ZNF445: variants seen among roughly 807,000 people sequenced by gnomAD.
ZNF445 encodes the protein zinc finger protein 445, also known as zinc finger protein 168.
ZNF445 carries 19 observed loss-of-function variants against 93.9 expected under a neutral mutation model. The ratio of observed to expected loss-of-function variants is 0.20; its 90% CI spans 0.14 to 0.30. The LOEUF is 0.30. Ranked by LOEUF, ZNF445 falls within the 10% of genes least tolerant of loss-of-function variation. ZNF445 has a pLI of 1.00. For missense variants in ZNF445, 1,058 were observed against 1,259.4 expected (o/e 0.84, Z 2.42); for synonymous variants, 449 against 446.3 (o/e 1.01, Z -0.08).
In ZNF445 at chr3:44,455,563, G is replaced by C; in HGVS notation, c.-14C>G. 1 of 1,571,432 alleles carries C rather than the reference G, an allele frequency of 6.4e-7. No individual in the cohort carries two copies. Among genetic ancestry groups the C allele is most frequent in the African/African-American group, 1.4e-5 (1 of 73,820 alleles). On this transcript the variant is annotated 5_prime_UTR_variant, in exon 3 of 8. Transcript: ENST00000396077. ...GCCTGGAGGCATCACTCCTGTTCAG[G>C]GACTAACCAGAAGAGTGCGAACCAA...
intron 3 of ZNF445, among the ~76,000 whole-genome samples, chr3:44,453,430 G>C (rs1697983704): frequency 6.6e-6 from 1 of 151,786 alleles, no homozygotes; most frequent in Admixed American, 6.6e-5. Context: ...GAGTAGCTGG[G>C]TCTACAGGTG....
At chr3:44,476,634 C>T (rs939624731) in intron 1 of ZNF445, among the ~76,000 whole-genome samples, 3 of 152,196 alleles carry the variant, frequency 2.0e-5, no homozygotes, top group Non-Finnish European at 4.4e-5. Flanking sequence ...AACATTCTTT[C>T]CTGGCCACCA....
chr3:44,448,146 G>A lies in ZNF445; in HGVS notation c.1525C>T (p.Gln509Ter). Reference protein sequence around the residue: ...HLAYHQRLHTQEKAFKCRVCG... With the variant: ...HLAYHQRLHT ...ACCCTACATTTAAATGCTTTCTCTT[G>A]AGTGTGAAGTCTCTGATGATACGCA... Residue 509 changes from glutamine (Q) to a stop codon, truncating the protein, a stop_gained, in exon 8 of 8, where the codon CAA becomes TAA. Coordinates refer to ENST00000396077, the MANE Select transcript of ZNF445 (RefSeq NM_181489.6). LOFTEE classifies it high-confidence loss of function. 6.2e-7 allele frequency: 1 copy of A among 1,614,140 alleles called. No homozygotes were observed. Among genetic ancestry groups the A allele is most frequent in the Non-Finnish European group, 8.5e-7 (1 of 1,180,034 alleles).
Position 44,433,549 on chromosome 3 carries a change from T to G in ZNF445, c.*13026A>C, listed in dbSNP as rs1186498926. On this transcript the variant is annotated 3_prime_UTR_variant, in exon 8 of 8. Transcript: ENST00000396077. ...CCATGTTCTATTTCCAGAACCCACG[T>G]CAGGCCATTACTGGGGGGTCTGATG... The G allele has an allele frequency of 6.6e-6, 1 of 152,204 alleles. No homozygotes were observed. The highest frequency in any genetic ancestry group is 1.9e-4 in the East Asian group (1 of 5,188). 9.4% of individuals were successfully genotyped at this position (152,204 alleles called of 1,614,324 possible). A position where few individuals can be genotyped will look rare whatever the true frequency, so the allele number is the denominator to read the frequency against.
rs1286656788 is a variant in ZNF445, at chr3:44,455,423, G to A, written c.127C>T (p.Pro43Ser). The A allele has an allele frequency of 2.5e-6, 4 of 1,614,092 alleles. No homozygotes were observed. The Admixed American group carries it at 6.7e-5, about 27-fold the overall frequency. ...TGGCCAGGGCGGTTGAGAGTCTGTGGCCTGGCAGCCTGCACTGGAGTATAG... is the reference window on the plus strand; with the variant it reads ...TGGCCAGGGCGGTTGAGAGTCTGTGACCTGGCAGCCTGCACTGGAGTATAG... ...ESYTPVQAAR[P>S]QTLNRPGQEL... Residue 43 changes from proline to serine, a missense_variant, in exon 3 of 8, where the codon CCA (proline) becomes TCA (serine). Physicochemically the swap from Pro to Ser is moderately conservative, Grantham distance 74. This residue lies in a region of ZNF445 where 657 missense variants were observed against 746.4 expected (regional missense o/e 0.88). Coordinates refer to ENST00000396077, the MANE Select transcript of ZNF445 (RefSeq NM_181489.6).
intron 1 of ZNF445, among the ~76,000 whole-genome samples, chr3:44,472,059 T>C (rs1698277013): frequency 6.6e-6 from 1 of 151,828 alleles, no homozygotes; most frequent in African/African-American, 2.4e-5. Flanking sequence ...AAGAGAGACT[T>C]TCATGGCCAA....
rs367970094 is a variant in ZNF445 at position 44,445,410 on chromosome 3, C to T, written c.*1165G>A. Reference sequence around the variant, plus strand: ...ACATCACTCCTCAACTCAAAATTGTCCAAAAGCTCCCTGCCTCCCTCTGAG... The same window carrying T: ...ACATCACTCCTCAACTCAAAATTGTTCAAAAGCTCCCTGCCTCCCTCTGAG... On this transcript the variant is annotated 3_prime_UTR_variant, in exon 8 of 8. Transcript: ENST00000396077. The T allele has an allele frequency of 6.6e-6, 1 of 152,356 alleles. No homozygotes were observed. Among genetic ancestry groups the T allele is most frequent in the Non-Finnish European group, 1.5e-5 (1 of 68,188 alleles). The allele number at this position is 152,356 out of a possible 1,614,324, so 9.4% of individuals were successfully genotyped here.
At position 44,435,676 on chromosome 3, in the gene ZNF445, T is replaced by C. The variant is rs905981161; in HGVS notation, c.*10899A>G. The C allele has an allele frequency of 4.6e-5, 7 of 152,230 alleles. No homozygotes were observed. The highest frequency in any genetic ancestry group is 2.6e-4 in the Admixed American group (4 of 15,288). The allele number at this position is 152,230 out of a possible 1,614,324, so 9.4% of individuals were successfully genotyped here. A position where few individuals can be genotyped will look rare whatever the true frequency, so the allele number is the denominator to read the frequency against. ...CCTTTTCTACCAGAATTACTTTTAC[T>C]GTATGGATCAGGGAACTAGTGTGGG... On this transcript the variant is annotated 3_prime_UTR_variant, in exon 8 of 8. Coordinates refer to ENST00000396077, the MANE Select transcript of ZNF445 (RefSeq NM_181489.6).
At position 44,440,442 on chromosome 3, in the gene ZNF445, G is replaced by A. The variant is rs1341073394; in HGVS notation, c.*6133C>T. On this transcript the variant is annotated 3_prime_UTR_variant, in exon 8 of 8. Coordinates refer to ENST00000396077, the MANE Select transcript of ZNF445 (RefSeq NM_181489.6). ...AAAATTAAGGAGATTTAGGCAAGGA[G>A]GAGCTTATAATTTCCTATAAAGTGC... is the stretch of plus-strand genomic sequence containing the variant. 2 of 152,170 alleles carry A rather than the reference G, an allele frequency of 1.3e-5. No individual in the cohort carries two copies. The highest frequency in any genetic ancestry group is 2.9e-5 in the Non-Finnish European group (2 of 68,042). 9.4% of individuals were successfully genotyped at this position (152,170 alleles called of 1,614,324 possible).
At position 44,446,786 on chromosome 3, in the gene ZNF445, C is replaced by T; in HGVS notation, c.2885G>A (p.Ser962Asn). The change falls in exon 8 of 8, where the codon AGC becomes AAC. Residue 962 changes from serine (S) to asparagine (N), a missense_variant. Ser to Asn is a conservative substitution (Grantham distance 46). Transcript: ENST00000396077. The surrounding 1 kb of genome is among the most constrained non-coding windows in gnomAD (Gnocchi z 4.2). ...GTCCTGGAGTCCAGTGAGCCTGGAG[C>T]TCTGGCTGCAAGCTTCTTTGCAGTC... ...LEDCKEACSQ[S>N]SRLTGLQDIS... 1.2e-6 allele frequency: 2 copies of T among 1,614,180 alleles called. No homozygotes were observed. The highest frequency in any genetic ancestry group is 1.1e-5 in the South Asian group (1 of 91,088).
chr3:44,459,709 T>G (rs1057234546), intron 1 of ZNF445, among the ~76,000 whole-genome samples: 1 of 152,196 alleles, frequency 6.6e-6, no homozygotes, highest in African/African-American at 2.4e-5. Context: ...GGCTTATGCA[T>G]ACATATATAT....
intron 1 of ZNF445, among the ~76,000 whole-genome samples, chr3:44,475,106 A>G (rs1407504992): frequency 6.6e-6 from 1 of 152,134 alleles, no homozygotes; most frequent in East Asian, 1.9e-4. Flanking sequence ...CTCTGTCTCA[A>G]AAAAAAGGTT....
intron 3 of ZNF445, 112 bp from the exon 4 acceptor site, chr3:44,451,594 C>T: frequency 1.7e-6 from 2 of 1,209,066 alleles, no homozygotes; most frequent in Non-Finnish European, 2.3e-6. Context: ...ATAGGTAAGC[C>T]AGGTCCTTTA....
chr3:44,447,906 C>T lies in ZNF445; in HGVS notation c.1765G>A (p.Gly589Arg). ...TYSSGFDHHL[G>R]DQSGEKLFDC... ...AAGAGTTTCTCCCCACTTTGGTCTC[C>T]CAAATGATGATCAAACCCTGAGCTG... The change falls in exon 8 of 8, where the codon GGA (glycine) becomes AGA (arginine). Residue 589 changes from glycine to arginine, a missense_variant. By Grantham distance (125) the Gly-to-Arg change is moderately radical. Around this residue, in one of 3 missense-constraint regions of ZNF445, gnomAD observed 657 missense variants for 746.4 expected, o/e 0.88. Coordinates refer to ENST00000396077, the MANE Select transcript of ZNF445 (RefSeq NM_181489.6). The surrounding 1 kb of genome is among the most constrained non-coding windows in gnomAD (Gnocchi z 4.7). The T allele has an allele frequency of 6.2e-7, 1 of 1,613,734 alleles. No individual in the cohort carries two copies. Among genetic ancestry groups the T allele is most frequent in the Non-Finnish European group, 8.5e-7 (1 of 1,180,022 alleles).
intron 1 of ZNF445, among the ~76,000 whole-genome samples, chr3:44,474,108 G>A (rs1698309840): frequency 6.6e-6 from 1 of 152,200 alleles, no homozygotes; most frequent in Non-Finnish European, 1.5e-5. Flanking sequence ...ATGCAAAGTA[G>A]TAAACTATCT....
intron 1 of ZNF445, among the ~76,000 whole-genome samples, chr3:44,459,709 T>C (rs1057234546): frequency 6.6e-6 from 1 of 152,196 alleles, no homozygotes; most frequent in Non-Finnish European, 1.5e-5. Context: ...GGCTTATGCA[T>C]ACATATATAT....
rs940562720 is a variant in ZNF445, at chr3:44,437,058, G to A, written c.*9517C>T. On this transcript the variant is annotated 3_prime_UTR_variant, in exon 8 of 8. Coordinates refer to ENST00000396077, the MANE Select transcript of ZNF445 (RefSeq NM_181489.6). ...TACTCCATAGACAGAGCAGCCCCGA[G>A]GGCTGCTGGTTGTCTATTTTATGGT... The A allele has an allele frequency of 6.6e-6, 1 of 152,170 alleles. No homozygotes were observed. The highest frequency in any genetic ancestry group is 6.5e-5 in the Admixed American group (1 of 15,276). 9.4% of individuals were successfully genotyped at this position (152,170 alleles called of 1,614,324 possible). A position where few individuals can be genotyped will look rare whatever the true frequency, so the allele number is the denominator to read the frequency against.
chr3:44,454,421 C>T (rs1001945225), intron 3 of ZNF445, among the ~76,000 whole-genome samples: 10 of 152,034 alleles, frequency 6.6e-5, no homozygotes, highest in African/African-American at 2.4e-4. Flanking sequence ...GCCACTGTGT[C>T]CAAAGACTAG....
chr3:44,472,049 AAG>A (rs1301576702), intron 1 of ZNF445, among the ~76,000 whole-genome samples: 1 of 152,156 alleles, frequency 6.6e-6, no homozygotes, highest in Non-Finnish European at 1.5e-5. Flanking sequence ...ACAGAAAAAG[AAG>A]AGAGACTTTC....
Sources: allele counts gnomAD v4.1 joint callset (sites outside exome capture counted in the v4.1 genomes callset), GRCh38; gene constraint gnomAD v4.1.1; regional missense constraint gnomAD v4.1.1; non-coding constraint Gnocchi (gnomAD v3.1); transcripts MANE v1.5; gene names NCBI Gene and HGNC (gene_info 2026-07-23, HGNC 2026-07-21).